CD74: variants seen among roughly 807,000 people sequenced by gnomAD.
The protein encoded by CD74 is HLA class II histocompatibility antigen gamma chain.
CD74 carries 20 observed loss-of-function variants against 37.1 expected under a neutral mutation model. The ratio of observed to expected loss-of-function variants is 0.54; its 90% CI spans 0.38 to 0.78. The LOEUF is 0.78. Ranked by LOEUF, CD74 falls within the 30% of genes least tolerant of loss-of-function variation. The pLI is 0.00. For missense variants in CD74, 338 were observed against 389.5 expected (o/e 0.87, Z 1.11); for synonymous variants, 150 against 152.0 (o/e 0.99, Z 0.10).
chr5:150,407,381 G>C lies in CD74; in HGVS notation c.126-57C>G, dbSNP rs968853942. On this transcript the variant is annotated intron_variant, in intron 1 of 8. Transcript: ENST00000009530. This position sits in a 1 kb window ranked among gnomAD's most constrained non-coding sequence, Gnocchi z 4.4. ...GGATCCACAGTGGTGGCTGCCCCAA[G>C]GGCTGGCTAGGAATGGGGAAATGTA... 4.1e-6 allele frequency: 6 copies of C among 1,458,626 alleles called. No individual in the cohort carries two copies. The highest frequency in any genetic ancestry group is 5.6e-6 in the Non-Finnish European group (6 of 1,071,214). The allele number at this position is 1,458,626 out of a possible 1,614,324, so 90.4% of individuals were successfully genotyped here. A position where few individuals can be genotyped will look rare whatever the true frequency, so the allele number is the denominator to read the frequency against.
chr5:150,402,784 G>C lies in CD74; in HGVS notation c.818-159C>G, dbSNP rs570017107. ...AAGCAGCAACAAAGAGGTGTAATGG[G>C]GGCTCGAGTGAGAAGGGGGTGATGA... On this transcript the variant is annotated intron_variant, in intron 7 of 8. Transcript: ENST00000009530. This position sits in a 1 kb window ranked among gnomAD's most constrained non-coding sequence, Gnocchi z 4.2. Among the ~76,000 whole-genome samples, 1 of 152,296 alleles carries C rather than the reference G, an allele frequency of 6.6e-6. No individual in the cohort carries two copies. Among genetic ancestry groups the C allele is most frequent in the African/African-American group, 2.4e-5 (1 of 41,562 alleles).
intron 4 of CD74, 102 bp from the exon 5 acceptor site, chr5:150,405,282 G>GATACGGC: frequency 6.8e-7 from 1 of 1,479,808 alleles, no homozygotes. Context: ...TCTGAGGAAT[G>GATACGGC]GACCAGAGCT....
chr5:150,412,480 T>C, intron 1 of CD74, 145 bp downstream of exon 1: 1 of 645,500 alleles, frequency 1.5e-6, no homozygotes. Flanking sequence ...GCCAAAGACT[T>C]GCTCAAAATC....
chr5:150,403,206 A>C lies in CD74; in HGVS notation c.732T>G (p.Tyr244Ter), dbSNP rs1581248983. 6.2e-7 allele frequency: 1 copy of C among 1,614,064 alleles called. No homozygotes were observed. The highest frequency in any genetic ancestry group is 8.5e-7 in the Non-Finnish European group (1 of 1,179,898). Residue 244 changes from tyrosine (Y) to a stop codon, truncating the protein, a stop_gained, in exon 7 of 9, where the codon TAT (tyrosine) becomes TAG (stop). Transcript: ENST00000009530. LOFTEE classifies it high-confidence loss of function. The surrounding 1 kb of genome is among the most constrained non-coding windows in gnomAD (Gnocchi z 4.5). ...ENGNYLPLQC[Y>*]GSIGYCWCVF... ...CACACCAGCAGTAGCCGATGCTCCC[A>C]TAGCACTGGAGTGGCAGATAGTTGC...
At chr5:150,404,958 G>T in intron 5 of CD74, 127 bp downstream of exon 5, 1 of 968,246 alleles carries the variant, frequency 1.0e-6, no homozygotes, top group Non-Finnish European at 1.6e-6. Context: ...CCAGGTTTTG[G>T]AAGTGCTGGT....
chr5:150,405,091 G>T lies in CD74; in HGVS notation c.531C>A (p.Asp177Glu). 1 of 1,612,754 alleles carries T rather than the reference G, an allele frequency of 6.2e-7. No individual in the cohort carries two copies. The highest frequency in any genetic ancestry group is 8.5e-7 in the Non-Finnish European group (1 of 1,179,222). ...TGCAGGGAAACCTGCTGACCTTCCAGTCTATGGTCTCCATGGTGTTCTTAA... is the reference window on the plus strand; with the variant it reads ...TGCAGGGAAACCTGCTGACCTTCCATTCTATGGTCTCCATGGTGTTCTTAA... Reference protein sequence around the residue: ...RHLKNTMETIDWKVFESWMHH... With the variant: ...RHLKNTMETIEWKVFESWMHH... Residue 177 changes from aspartate (D) to glutamate (E), a missense_variant, in exon 5 of 9, where the codon GAC becomes GAA. Asp to Glu is a conservative substitution (Grantham distance 45). Coordinates refer to ENST00000009530, the MANE Select transcript of CD74 (RefSeq NM_001025159.3).
intron 1 of CD74, among the ~76,000 whole-genome samples, chr5:150,409,299 G>A (rs1314813111): frequency 6.6e-6 from 1 of 151,982 alleles, no homozygotes; most frequent in Non-Finnish European, 1.5e-5. Context: ...AGCCAAGACA[G>A]GTAGATCACC....
In CD74 at chr5:150,403,394, C is replaced by T. The variant is rs1235562502; in HGVS notation, c.626-82G>A. On this transcript the variant is annotated intron_variant, in intron 6 of 8. Transcript: ENST00000009530. The surrounding 1 kb of genome is among the most constrained non-coding windows in gnomAD (Gnocchi z 4.5). The stretch of plus-strand genomic sequence containing the variant: ...TGAGCAGAGCTAAAGACCCACACAC[C>T]ACTGCTGTGGGCTTAATGCCTTCTT... 5.7e-6 allele frequency: 7 copies of T among 1,232,174 alleles called. No homozygotes were observed. Among genetic ancestry groups the T allele is most frequent in the Non-Finnish European group, 8.3e-6 (7 of 840,076 alleles). The allele number at this position is 1,232,174 out of a possible 1,614,324, so 76.3% of individuals were successfully genotyped here.
rs1474922862 is a variant in CD74 at position 150,403,452 on chromosome 5, C to G, written c.626-140G>C. ...GGCTTTACTCACTCCAGCCATCACACGGATGGGAAAACTGAGGCCTAGACC... is the reference window on the plus strand; with the variant it reads ...GGCTTTACTCACTCCAGCCATCACAGGGATGGGAAAACTGAGGCCTAGACC... On this transcript the variant is annotated intron_variant, in intron 6 of 8. Transcript: ENST00000009530. This position sits in a 1 kb window ranked among gnomAD's most constrained non-coding sequence, Gnocchi z 4.5. 2.7e-6 allele frequency: 2 copies of G among 744,626 alleles called. No individual in the cohort carries two copies. The highest frequency in any genetic ancestry group is 2.5e-5 in the East Asian group (1 of 40,480). The allele number at this position is 744,626 out of a possible 1,614,324, so 46.1% of individuals were successfully genotyped here.
At chr5:150,411,010 T>C (rs1481974164) in intron 1 of CD74, among the ~76,000 whole-genome samples, 2 of 152,220 alleles carry the variant, frequency 1.3e-5, no homozygotes, top group Non-Finnish European at 2.9e-5. Flanking sequence ...AACACTTTGA[T>C]GTCAGACTAG....
In CD74 at chr5:150,402,314, C is replaced by A. The variant is rs1769680002; in HGVS notation, c.881-64G>T. 1 of 1,235,000 alleles carries A rather than the reference C, an allele frequency of 8.1e-7. No homozygotes were observed. The allele number at this position is 1,235,000 out of a possible 1,614,324, so 76.5% of individuals were successfully genotyped here. On this transcript the variant is annotated intron_variant, in intron 8 of 8. Transcript: ENST00000009530. The surrounding 1 kb of genome is among the most constrained non-coding windows in gnomAD (Gnocchi z 4.2). ...ATTTGTTGTCCCTGCCCCTTTCTAA[C>A]ATCCTGGACCTGCAGAGCAGTTAAG... is the stretch of plus-strand genomic sequence containing the variant.
rs77528881 is a variant in CD74, at chr5:150,403,053, G to A, written c.817+68C>T. 5,533 of 1,384,002 alleles carry A rather than the reference G, an allele frequency of 4.0e-3. 178 individuals carry two copies. In the African/African-American group the frequency reaches 0.069, roughly 17 times the overall value. The allele number at this position is 1,384,002 out of a possible 1,614,324, so 85.7% of individuals were successfully genotyped here. A position where few individuals can be genotyped will look rare whatever the true frequency, so the allele number is the denominator to read the frequency against. On this transcript the variant is annotated intron_variant, in intron 7 of 8. Coordinates refer to ENST00000009530, the MANE Select transcript of CD74 (RefSeq NM_001025159.3). The surrounding 1 kb of genome is among the most constrained non-coding windows in gnomAD (Gnocchi z 4.5). The stretch of plus-strand genomic sequence containing the variant: ...TCCTGGTCCCATGTGCTTCAGAGGG[G>A]ACCTCTTGCCCCTCAACCTTCCTAG...
rs1332150470 is a variant in CD74, at chr5:150,405,066, T to C, written c.537+19A>G. 1.3e-6 allele frequency: 2 copies of C among 1,528,166 alleles called. No homozygotes were observed. The highest frequency in any genetic ancestry group is 1.8e-6 in the Non-Finnish European group (2 of 1,120,780). 94.7% of individuals were successfully genotyped at this position (1,528,166 alleles called of 1,614,324 possible). On this transcript the variant is annotated intron_variant, in intron 5 of 8. Transcript: ENST00000009530. ...CACCAGAGGAAAGAGAGAGTTCCCA[T>C]GCAGGGAAACCTGCTGACCTTCCAG...
At position 150,407,050 on chromosome 5, in the gene CD74, C is replaced by A. The variant is rs527857815; in HGVS notation, c.299-90G>T. The stretch of plus-strand genomic sequence containing the variant: ...ATGAGGAAGGGCTGGAATTCCAAAC[C>A]GGAGGGAGAGGACAGTGGGCCCAGC... On this transcript the variant is annotated intron_variant, in intron 2 of 8. Coordinates refer to ENST00000009530, the MANE Select transcript of CD74 (RefSeq NM_001025159.3). The surrounding 1 kb of genome is among the most constrained non-coding windows in gnomAD (Gnocchi z 4.4). 17 of 1,541,468 alleles carry A rather than the reference C, an allele frequency of 1.1e-5. No individual in the cohort carries two copies. Among genetic ancestry groups the A allele is most frequent in the Non-Finnish European group, 1.3e-5 (15 of 1,127,850 alleles).
intron 4 of CD74, chr5:150,405,534 C>T (rs149231797): frequency 1.0e-5 from 6 of 588,384 alleles, no homozygotes; most frequent in Middle Eastern, 7.0e-4. Context: ...GAGTCCTCTG[C>T]CTCTTTCTTC....
intron 1 of CD74, among the ~76,000 whole-genome samples, chr5:150,410,125 C>T (rs1270180245): frequency 2.0e-5 from 3 of 152,124 alleles, no homozygotes; most frequent in Non-Finnish European, 4.4e-5. Flanking sequence ...AATTCTACTT[C>T]TTGGCCTTCT....
At chr5:150,411,340 A>G (rs539009071) in intron 1 of CD74, among the ~76,000 whole-genome samples, 2 of 152,188 alleles carry the variant, frequency 1.3e-5, no homozygotes, top group Non-Finnish European at 2.9e-5. Flanking sequence ...CATTCCTCAC[A>G]AAACAGTCTC....
intron 1 of CD74, among the ~76,000 whole-genome samples, chr5:150,410,866 A>G (rs535221105): frequency 6.6e-6 from 1 of 152,296 alleles, no homozygotes; most frequent in South Asian, 2.1e-4. Context: ...CAAGGATTAG[A>G]CAAGGGGACA....
rs1770062504 is a variant in CD74, at chr5:150,407,679, G to A, written c.126-355C>T. Among the ~76,000 whole-genome samples the A allele has an allele frequency of 6.6e-6, 1 of 152,162 alleles. No homozygotes were observed. Among genetic ancestry groups the A allele is most frequent in the Admixed American group, 6.5e-5 (1 of 15,286 alleles). On this transcript the variant is annotated intron_variant, in intron 1 of 8. Transcript: ENST00000009530. This position sits in a 1 kb window ranked among gnomAD's most constrained non-coding sequence, Gnocchi z 4.4. ...GGTTGAGGTGGGGGGGTCTTCCCAGGCTCCCTTTGCCGTGCGGATCTCCTG... is the reference window on the plus strand; with the variant it reads ...GGTTGAGGTGGGGGGGTCTTCCCAGACTCCCTTTGCCGTGCGGATCTCCTG...
Sources: gnomAD v4.1 joint callset for allele counts (sites outside exome capture counted in the v4.1 genomes callset) on GRCh38, gnomAD v4.1.1 for gene constraint, Gnocchi (gnomAD v3.1) non-coding constraint, MANE v1.5 for transcripts, NCBI Gene and HGNC (gene_info 2026-07-23, HGNC 2026-07-21) for gene names.